Variants in NEGR1 observed in about 807,000 individuals in gnomAD.
NEGR1 encodes the protein neuronal growth regulator 1.
A neutral mutation model predicts 40.9 loss-of-function variants in NEGR1; 10 were observed. The observed-to-expected ratio is 0.24, with a 90% confidence interval of 0.15 to 0.42. The LOEUF is 0.42. Among genes scored for constraint, NEGR1 ranks in the 10% least tolerant of loss-of-function variants. NEGR1 has a pLI of 1.00. For missense variants in NEGR1, 352 were observed against 438.9 expected, an observed-to-expected ratio of 0.80 and a Z score of 1.77; for synonymous variants, 185 against 166.8, an observed-to-expected ratio of 1.11 and a Z score of -0.84.
At chr1:71,775,559 A>G (rs1315093630) in intron 3 of NEGR1, among the ~76,000 whole-genome samples, 1 of 151,976 alleles carries the variant, frequency 6.6e-6, no homozygotes, top group South Asian at 2.1e-4. Flanking sequence ...ACAGCCAGGC[A>G]GGACTTGAGC....
At chr1:71,936,186 T>C (rs914420599) in intron 1 of NEGR1, among the ~76,000 whole-genome samples, 6 of 152,212 alleles carry the variant, frequency 3.9e-5, no homozygotes, top group African/African-American at 1.4e-4. Flanking sequence ...CTGATAAAAC[T>C]ATAAACTATG....
At chr1:72,035,904 A>G (rs1646897596) in intron 1 of NEGR1, among the ~76,000 whole-genome samples, 1 of 152,176 alleles carries the variant, frequency 6.6e-6, no homozygotes, top group African/African-American at 2.4e-5. Flanking sequence ...AGATCATTTC[A>G]TATTTCCCCT....
At chr1:72,025,762 T>C (rs2100428166) in intron 1 of NEGR1, among the ~76,000 whole-genome samples, 1 of 152,348 alleles carries the variant, frequency 6.6e-6, no homozygotes, top group East Asian at 1.9e-4. Context: ...TCTGTCTTTA[T>C]ACTTTCTGCC....
intron 3 of NEGR1, among the ~76,000 whole-genome samples, chr1:71,763,769 G>C (rs868666075): frequency 2.0e-5 from 3 of 148,078 alleles, no homozygotes; most frequent in African/African-American, 5.0e-5. Context: ...GTGTGTGTGT[G>C]TGTCTGTGTG....
At chr1:71,970,790 A>G (rs557816983) in intron 1 of NEGR1, among the ~76,000 whole-genome samples, 91 of 152,302 alleles carry the variant, frequency 6.0e-4, no homozygotes, top group African/African-American at 2.2e-3. Flanking sequence ...GAGGGTTGGA[A>G]TGGTTATTAA....
intron 2 of NEGR1, among the ~76,000 whole-genome samples, chr1:71,900,552 A>T (rs1469681769): frequency 6.6e-6 from 1 of 152,160 alleles, no homozygotes; most frequent in Non-Finnish European, 1.5e-5. Flanking sequence ...TGATACATGT[A>T]ATGTTTTGAA....
intron 6 of NEGR1, among the ~76,000 whole-genome samples, chr1:71,473,781 A>G (rs1646799516): frequency 1.3e-5 from 2 of 152,050 alleles, no homozygotes; most frequent in African/African-American, 2.4e-5. Context: ...CCCTGTAATT[A>G]TAAGAGTATA....
At chr1:72,077,398 T>C (rs1036107091) in intron 1 of NEGR1, among the ~76,000 whole-genome samples, 19 of 152,112 alleles carry the variant, frequency 1.2e-4, no homozygotes, top group Admixed American at 4.6e-4. Context: ...AGCTCCCTTT[T>C]TCTTGTCATA....
intron 4 of NEGR1, among the ~76,000 whole-genome samples, chr1:71,626,108 A>T (rs1650765590): frequency 6.6e-6 from 1 of 151,970 alleles, no homozygotes; most frequent in African/African-American, 2.4e-5. Flanking sequence ...AGTCCATAGA[A>T]AAATTGTCTT....
In NEGR1 at chr1:71,999,242, A is replaced by C. The variant is rs547043086; in HGVS notation, c.177-63931T>G. Among the ~76,000 whole-genome samples, 24 of 152,058 alleles carry C rather than the reference A, an allele frequency of 1.6e-4. 1 individual carries two copies. In the East Asian group the frequency reaches 4.6e-3, roughly 29 times the overall value. Reference sequence around the variant, plus strand: ...TGAGGCCATCATTACTTGGAAAAATATCTTCTATTTTAAAAGAGTTCAACT... The same window carrying C: ...TGAGGCCATCATTACTTGGAAAAATCTCTTCTATTTTAAAAGAGTTCAACT... On this transcript the variant is annotated intron_variant, in intron 1 of 6. Coordinates refer to ENST00000357731, the MANE Select transcript of NEGR1 (RefSeq NM_173808.3).
chr1:71,430,852 C>T (rs964967325), intron 6 of NEGR1, among the ~76,000 whole-genome samples: 1 of 151,584 alleles, frequency 6.6e-6, no homozygotes, highest in African/African-American at 2.4e-5. Context: ...CTCCGTCTCC[C>T]GGGTTCACGC....
At chr1:72,150,321 A>G (rs962170498) in intron 1 of NEGR1, among the ~76,000 whole-genome samples, 3 of 152,218 alleles carry the variant, frequency 2.0e-5, no homozygotes, top group South Asian at 2.1e-4. Context: ...AAAGGAATAT[A>G]TAATAAAAGA....
intron 2 of NEGR1, among the ~76,000 whole-genome samples, chr1:71,905,491 A>G (rs1053263158): frequency 1.7e-4 from 26 of 152,070 alleles, no homozygotes; most frequent in African/African-American, 4.6e-4. Context: ...CCTCTTCTAC[A>G]GAATCTAATC....
intron 2 of NEGR1, among the ~76,000 whole-genome samples, chr1:71,807,069 T>G (rs1465604357): frequency 6.6e-6 from 1 of 151,878 alleles, no homozygotes; most frequent in African/African-American, 2.4e-5. Context: ...ATTTTTTTTT[T>G]GTATTTTTAG....
intron 1 of NEGR1, among the ~76,000 whole-genome samples, chr1:72,120,957 G>A (rs1649779766): frequency 1.3e-5 from 2 of 151,976 alleles, no homozygotes; most frequent in South Asian, 2.1e-4. Context: ...CCAACACTCA[G>A]TAAGACACAA....
chr1:71,543,774 G>T (rs190987652), intron 6 of NEGR1, among the ~76,000 whole-genome samples: 15 of 151,698 alleles, frequency 9.9e-5, no homozygotes, highest in Admixed American at 9.9e-4. Context: ...ATTCATTTGA[G>T]AAAAATCTCA....
intron 5 of NEGR1, among the ~76,000 whole-genome samples, chr1:71,599,336 T>C (rs1050830843): frequency 3.3e-5 from 5 of 152,178 alleles, no homozygotes; most frequent in African/African-American, 1.2e-4. Context: ...GGAGAGTGAC[T>C]GAAAAGATCA....
chr1:71,885,540 A>G (rs558846213), intron 2 of NEGR1, among the ~76,000 whole-genome samples: 1 of 152,322 alleles, frequency 6.6e-6, no homozygotes, highest in African/African-American at 2.4e-5. Flanking sequence ...AAAATTAGCA[A>G]TGCAACTGTA....
intron 2 of NEGR1, among the ~76,000 whole-genome samples, chr1:71,864,851 G>A (rs1391325868): frequency 6.6e-6 from 1 of 152,138 alleles, no homozygotes; most frequent in Non-Finnish European, 1.5e-5. Context: ...ATACAATGCT[G>A]TAGATGCACA....
Sources: allele counts gnomAD v4.1 joint callset (sites outside exome capture counted in the v4.1 genomes callset), GRCh38; gene constraint gnomAD v4.1.1; transcripts MANE v1.5; gene names NCBI Gene and HGNC (gene_info 2026-07-23, HGNC 2026-07-21).